Variants in PTN observed in about 807,000 individuals in gnomAD.
PTN encodes the protein pleiotrophin.
A neutral mutation model predicts 24.1 loss-of-function variants in PTN; 18 were observed. The ratio of observed to expected loss-of-function variants is 0.75; its 90% CI spans 0.52 to 1.11. The LOEUF (loss-of-function observed/expected upper bound fraction) is 1.11. PTN is among the 50% of genes least tolerant of loss of function. The pLI is 0.00. For missense variants in PTN, 163 were observed against 198.8 expected (o/e 0.82, Z 1.08); for synonymous variants, 78 against 68.6 (o/e 1.14, Z -0.67).
chr7:137,260,198 T>C (rs879581870), intron 1 of PTN, among the ~76,000 whole-genome samples: 5 of 152,190 alleles, frequency 3.3e-5, no homozygotes, highest in Non-Finnish European at 7.4e-5. Flanking sequence ...TGATTTGTGA[T>C]GCTTCTGCAT....
intron 1 of PTN, among the ~76,000 whole-genome samples, chr7:137,319,221 C>T (rs945222496): frequency 6.6e-6 from 1 of 152,178 alleles, no homozygotes; most frequent in Non-Finnish European, 1.5e-5. Flanking sequence ...GCCTCGAATT[C>T]CTCATCTGTA....
chr7:137,232,440 T>G (rs1489145336), intron 4 of PTN, among the ~76,000 whole-genome samples: 1 of 151,932 alleles, frequency 6.6e-6, no homozygotes, highest in Non-Finnish European at 1.5e-5. Context: ...AGGTGTGTAT[T>G]TTTGTAACTT....
At chr7:137,324,689 C>T (rs1810229719) in intron 1 of PTN, 1 of 151,850 alleles carries the variant, frequency 6.6e-6, no homozygotes, top group African/African-American at 2.4e-5. Context: ...ATGATAATTC[C>T]CTCCAAAGAT....
rs531459357 is a variant in PTN at position 137,247,006 on chromosome 7, C to G, written c.451+4224G>C. On this transcript the variant is annotated intron_variant, in intron 4 of 4. Coordinates refer to ENST00000348225, the MANE Select transcript of PTN (RefSeq NM_002825.7). ...AAATTAAATGACTAGGAGCTCCTAC[C>G]CCAGTGTCCAATTCAAAATTAGTGA... 5.3e-5 allele frequency among the ~76,000 whole-genome samples: 8 copies of G among 152,224 alleles called. No individual in the cohort carries two copies. The South Asian group carries it at 1.7e-3, about 32-fold the overall frequency.
intron 1 of PTN, among the ~76,000 whole-genome samples, chr7:137,265,082 T>C (rs927295915): frequency 6.6e-6 from 1 of 152,058 alleles, no homozygotes; most frequent in Non-Finnish European, 1.5e-5. Flanking sequence ...AAAAGCTTGC[T>C]GCTGTTGGTT....
Position 137,313,526 on chromosome 7 carries a change from T to A in PTN, c.-2+29913A>T, listed in dbSNP as rs373464845. Among the ~76,000 whole-genome samples, 12 of 152,258 alleles carry A rather than the reference T, an allele frequency of 7.9e-5. 1 individual carries two copies. Among genetic ancestry groups the A allele is most frequent in the Admixed American group, 3.3e-4 (5 of 15,286 alleles). On this transcript the variant is annotated intron_variant, in intron 1 of 4. Coordinates refer to ENST00000348225, the MANE Select transcript of PTN (RefSeq NM_002825.7). ...TATCCCAGTAATTGTGGGAGCTAGC[T>A]CTCCCCCTTAATCGATCCCTCACTG... is the stretch of plus-strand genomic sequence containing the variant.
At chr7:137,310,546 C>T (rs752886097) in intron 1 of PTN, among the ~76,000 whole-genome samples, 25 of 151,904 alleles carry the variant, frequency 1.6e-4, no homozygotes, top group Admixed American at 2.0e-4. Flanking sequence ...TACAGGCATG[C>T]GCCACCATGC....
Position 137,313,929 on chromosome 7 carries a change from G to A in PTN, c.-2+29510C>T, listed in dbSNP as rs550084065. Among the ~76,000 whole-genome samples the A allele has an allele frequency of 1.2e-3, 186 of 152,242 alleles. 1 individual carries two copies. The highest frequency in any genetic ancestry group is 4.1e-3 in the African/African-American group (172 of 41,542). On this transcript the variant is annotated intron_variant, in intron 1 of 4. Transcript: ENST00000348225. ...GACCAACTAGACTGGGCCAGACATAGGTTTATTATTCAACCTTTTTCATCA... is the reference window on the plus strand; with the variant it reads ...GACCAACTAGACTGGGCCAGACATAAGTTTATTATTCAACCTTTTTCATCA...
intron 1 of PTN, among the ~76,000 whole-genome samples, chr7:137,296,751 C>A (rs181888722): frequency 2.8e-4 from 43 of 152,130 alleles, no homozygotes; most frequent in African/African-American, 9.6e-4. Context: ...AGGCACCACA[C>A]CACTTAGCCC....
intron 3 of PTN, among the ~76,000 whole-genome samples, chr7:137,252,364 C>G (rs913804224): frequency 6.6e-6 from 1 of 151,678 alleles, no homozygotes; most frequent in Admixed American, 6.6e-5. Flanking sequence ...TGTTTTTTCC[C>G]CACTTTCTTA....
chr7:137,321,842 T>C lies in PTN; in HGVS notation c.-2+21597A>G, dbSNP rs575022213. On this transcript the variant is annotated intron_variant, in intron 1 of 4. Transcript: ENST00000348225. ...AATGTTCTATTTATAAATTAATTATTGGCTTTGAAAATTTGTTTTACTTAA... is the reference window on the plus strand; with the variant it reads ...AATGTTCTATTTATAAATTAATTATCGGCTTTGAAAATTTGTTTTACTTAA... Among the ~76,000 whole-genome samples, 247 of 152,354 alleles carry C rather than the reference T, an allele frequency of 1.6e-3. 4 individuals are homozygous for C. The highest frequency in any genetic ancestry group is 1.4e-3 in the Non-Finnish European group (97 of 68,032).
At chr7:137,333,344 T>C (rs1810392042) in intron 1 of PTN, among the ~76,000 whole-genome samples, 1 of 152,210 alleles carries the variant, frequency 6.6e-6, no homozygotes. Context: ...CAGGTATTCC[T>C]TTATAGCAAC....
intron 1 of PTN, among the ~76,000 whole-genome samples, chr7:137,261,873 G>T (rs1809045105): frequency 6.6e-6 from 1 of 152,172 alleles, no homozygotes; most frequent in African/African-American, 2.4e-5. Context: ...TGCATGTGGG[G>T]CAGGGCCCTC....
At chr7:137,287,390 G>A (rs1052236740) in intron 1 of PTN, among the ~76,000 whole-genome samples, 2 of 152,120 alleles carry the variant, frequency 1.3e-5, no homozygotes, top group East Asian at 1.9e-4. Flanking sequence ...TTGTTGGTAT[G>A]ACATGGAGTT....
chr7:137,248,702 T>C (rs559214872), intron 4 of PTN, among the ~76,000 whole-genome samples: 1 of 152,236 alleles, frequency 6.6e-6, no homozygotes, highest in East Asian at 1.9e-4. Context: ...GAAATCATTC[T>C]TTTTGCAGAG....
chr7:137,317,868 T>C (rs1585042586), intron 1 of PTN, among the ~76,000 whole-genome samples: 1 of 152,050 alleles, frequency 6.6e-6, no homozygotes, highest in East Asian at 1.9e-4. Context: ...GTGAGCGAGG[T>C]TCAGGATGAG....
chr7:137,254,505 A>C (rs1430536795), intron 2 of PTN, among the ~76,000 whole-genome samples: 1 of 151,086 alleles, frequency 6.6e-6, no homozygotes, highest in Admixed American at 6.6e-5. Context: ...CTCCTCTGTA[A>C]ATCTGAAATT....
At chr7:137,260,419 C>A (rs1343948194) in intron 1 of PTN, among the ~76,000 whole-genome samples, 1 of 152,152 alleles carries the variant, frequency 6.6e-6, no homozygotes, top group South Asian at 2.1e-4. Flanking sequence ...CAATGACAGT[C>A]TCATCCCTCC....
chr7:137,280,691 T>TAACAAAAAAAAAAAAAA lies in PTN; in HGVS notation c.-1-25718_-1-25717insTTTTTTTTTTTTTTGTT, dbSNP rs760779128. ...CAACATGGCAAAACCCCGTCTCTAC[T>TAACAAAAAAAAAAAAAA]AAAAATACAAAAAAAAAAAAAAAAA... On this transcript the variant is annotated intron_variant, in intron 1 of 4. Coordinates refer to ENST00000348225, the MANE Select transcript of PTN (RefSeq NM_002825.7). Among the ~76,000 whole-genome samples, 15 of 14,744 alleles carry TAACAAAAAAAAAAAAAA rather than the reference T, an allele frequency of 1.0e-3. 3 individuals are homozygous for TAACAAAAAAAAAAAAAA. In the South Asian group the frequency reaches 0.011, roughly 11 times the overall value. The allele number at this position is 14,744 out of a possible 152,430, so 9.7% of individuals were successfully genotyped here.
Sources: allele counts gnomAD v4.1 joint callset (sites outside exome capture counted in the v4.1 genomes callset), GRCh38; gene constraint gnomAD v4.1.1; transcripts MANE v1.5; gene names NCBI Gene and HGNC (gene_info 2026-07-23, HGNC 2026-07-21).